Variants in IFT88 observed in about 807,000 individuals in gnomAD.
IFT88 encodes intraflagellar transport 88.
In IFT88, 74 loss-of-function variants were observed where a neutral mutation model predicts 119.5. That is an observed-to-expected ratio of 0.62 (90% CI 0.51 to 0.75). IFT88 has a LOEUF of 0.75. Ranked by LOEUF, IFT88 falls within the 30% of genes least tolerant of loss-of-function variation. IFT88 has a pLI of 0.00. For missense variants in IFT88, 961 were observed against 977.7 expected, an observed-to-expected ratio of 0.98 and a Z score of 0.23; for synonymous variants, 279 against 316.7, an observed-to-expected ratio of 0.88 and a Z score of 1.26.
chr13:20,663,839 TAACA>T (rs1343150799), intron 23 of IFT88, among the ~76,000 whole-genome samples: 1 of 152,232 alleles, frequency 6.6e-6, no homozygotes, highest in East Asian at 1.9e-4. Context: ...GGATAGCTAC[TAACA>T]GACAAATAAT....
intron 13 of IFT88, among the ~76,000 whole-genome samples, chr13:20,605,871 A>T (rs2043349927): frequency 6.6e-6 from 1 of 152,218 alleles, no homozygotes; most frequent in African/African-American, 2.4e-5. Flanking sequence ...ACCAAATGGA[A>T]GAGCTGCATA....
intron 20 of IFT88, among the ~76,000 whole-genome samples, 158 bp from the exon 21 acceptor site, chr13:20,653,718 C>A (rs1358430795): frequency 6.6e-6 from 1 of 152,028 alleles, no homozygotes; most frequent in Non-Finnish European, 1.5e-5. Flanking sequence ...ATATGACAAG[C>A]AATACTGAGG....
At chr13:20,602,083 T>C (rs778396883) in intron 12 of IFT88, 150 bp downstream of exon 12, 108 of 591,528 alleles carry the variant, frequency 1.8e-4, no homozygotes, top group Non-Finnish European at 2.7e-4. Context: ...ATTTTTTATT[T>C]AAATTGGGTT....
chr13:20,575,369 G>C (rs532554231), intron 2 of IFT88, among the ~76,000 whole-genome samples: 1 of 152,080 alleles, frequency 6.6e-6, no homozygotes, highest in African/African-American at 2.4e-5. Context: ...CAGACACTTA[G>C]GTTGCTTCCA....
rs146021322 is a variant in IFT88, at chr13:20,607,579, G to A, written c.1112+2474G>A. On this transcript the variant is annotated intron_variant, in intron 13 of 25. Transcript: ENST00000351808. Reference sequence around the variant, plus strand: ...TCCAAAAAGATCTTGAGAGATTTGCGGATCCACCATCTCCCGCTGCTCAAC... The same window carrying A: ...TCCAAAAAGATCTTGAGAGATTTGCAGATCCACCATCTCCCGCTGCTCAAC... The A allele has an allele frequency of 1.7e-4, 123 of 739,592 alleles. No individual in the cohort carries two copies. The African/African-American group carries it at 1.9e-3, about 11-fold the overall frequency. 45.8% of individuals were successfully genotyped at this position (739,592 alleles called of 1,614,324 possible).
intron 13 of IFT88, among the ~76,000 whole-genome samples, 155 bp downstream of exon 13, chr13:20,605,260 T>A (rs575173080): frequency 6.6e-6 from 1 of 152,354 alleles, no homozygotes; most frequent in African/African-American, 2.4e-5. Context: ...CAGAACTTGT[T>A]ATATTCAATA....
chr13:20,646,733 C>G (rs185852662), intron 20 of IFT88, among the ~76,000 whole-genome samples: 78 of 151,866 alleles, frequency 5.1e-4, no homozygotes, highest in African/African-American at 1.8e-3. Context: ...ATTGAGACCT[C>G]CCCTCTTGAC....
chr13:20,638,346 A>C lies in IFT88; in HGVS notation c.1401A>C (p.Ala467=). ...SALYYMGKDF[A]QASSYADIAV... is the part of the protein sequence containing the mutation. The stretch of plus-strand genomic sequence containing the variant: ...ATTTTACTTAGGGAAAGGATTTTGC[A>C]CAAGCCAGCAGCTATGCAGATATAG... Residue 467 remains alanine, a synonymous_variant, in exon 17 of 26, where the codon GCA becomes GCC. Coordinates refer to ENST00000351808, the MANE Select transcript of IFT88 (RefSeq NM_006531.5). The C allele has an allele frequency of 7.4e-7, 1 of 1,352,838 alleles. No individual in the cohort carries two copies. The highest frequency in any genetic ancestry group is 9.6e-7 in the Non-Finnish European group (1 of 1,043,034). The allele number at this position is 1,352,838 out of a possible 1,614,324, so 83.8% of individuals were successfully genotyped here.
chr13:20,567,736 A>G, intron 1 of IFT88: 1 of 1,302,988 alleles, frequency 7.7e-7, no homozygotes, highest in South Asian at 2.4e-5. Flanking sequence ...ACAACAATGC[A>G]GAAAGCGGTA....
chr13:20,667,655 G>C (rs1270625229), intron 23 of IFT88, among the ~76,000 whole-genome samples: 1 of 150,156 alleles, frequency 6.7e-6, no homozygotes, highest in Non-Finnish European at 1.5e-5. Context: ...TGTTGGTCAG[G>C]CTGGTCTTGA....
intron 15 of IFT88, 117 bp from the exon 16 acceptor site, chr13:20,630,899 A>G: frequency 1.8e-6 from 1 of 557,764 alleles, no homozygotes; most frequent in Non-Finnish European, 3.3e-6. Context: ...ATCTTAATCC[A>G]CCCCTTTTGT....
intron 22 of IFT88, among the ~76,000 whole-genome samples, chr13:20,660,146 G>A (rs914661506): frequency 6.6e-6 from 1 of 152,178 alleles, no homozygotes; most frequent in Non-Finnish European, 1.5e-5. Flanking sequence ...AGGCAAAACA[G>A]GTAAGGAGCT....
chr13:20,651,617 C>T (rs1182715572), intron 20 of IFT88, among the ~76,000 whole-genome samples: 2 of 151,572 alleles, frequency 1.3e-5, no homozygotes, highest in African/African-American at 4.8e-5. Flanking sequence ...TTCAGTTACC[C>T]TCAGTAAAGT....
rs148049147 is a variant in IFT88, at chr13:20,575,869, G to A, written c.90+1394G>A. ...GCCTGGTACATACTGATTTCTTTTC[G>A]TTTGAGTATATTCCTAGCAGTGGGA... On this transcript the variant is annotated intron_variant, in intron 2 of 25. Coordinates refer to ENST00000351808, the MANE Select transcript of IFT88 (RefSeq NM_006531.5). 6.7e-3 allele frequency among the ~76,000 whole-genome samples: 1,017 copies of A among 152,258 alleles called. 5 individuals are homozygous for A. Among genetic ancestry groups the A allele is most frequent in the Non-Finnish European group, 9.7e-3 (662 of 68,010 alleles).
At chr13:20,575,065 GTT>G (rs59057674) in intron 2 of IFT88, among the ~76,000 whole-genome samples, 182 of 143,158 alleles carry the variant, frequency 1.3e-3, no homozygotes, top group African/African-American at 3.2e-3. Flanking sequence ...CTTTCTTTTT[GTT>G]TTTTTTTTTG....
chr13:20,611,364 C>T (rs1470327225), intron 13 of IFT88, among the ~76,000 whole-genome samples: 4 of 150,792 alleles, frequency 2.7e-5, no homozygotes, highest in Non-Finnish European at 4.4e-5. Flanking sequence ...TCTGTCTCTA[C>T]AAAAAAATAC....
chr13:20,624,156 C>G (rs922222311), intron 14 of IFT88, among the ~76,000 whole-genome samples: 1 of 152,094 alleles, frequency 6.6e-6, no homozygotes, highest in African/African-American at 2.4e-5. Context: ...AACATGTATT[C>G]TGCTGTTGTT....
chr13:20,610,810 A>G (rs2044362204), intron 13 of IFT88, among the ~76,000 whole-genome samples: 1 of 152,214 alleles, frequency 6.6e-6, no homozygotes, highest in Non-Finnish European at 1.5e-5. Context: ...TGTCCCAGGA[A>G]TGTGAAACTG....
At chr13:20,601,298 A>G (rs3002167) in intron 11 of IFT88, among the ~76,000 whole-genome samples, 137,396 of 151,630 alleles carry the variant, frequency 0.91, 62,396 homozygotes, top group East Asian at 1. Context: ...CCCAGGAGGC[A>G]GAGGTTCCAG....
Sources: allele counts gnomAD v4.1 joint callset (sites outside exome capture counted in the v4.1 genomes callset), GRCh38; gene constraint gnomAD v4.1.1; transcripts MANE v1.5; gene names NCBI Gene and HGNC (gene_info 2026-07-23, HGNC 2026-07-21).